NELL2: variants seen among roughly 807,000 people sequenced by gnomAD.
NELL2 encodes the protein neural EGFL like 2.
A neutral mutation model predicts 109.6 loss-of-function variants in NELL2; 41 were observed. That is an observed-to-expected ratio of 0.37 (90% CI 0.29 to 0.49). The LOEUF (loss-of-function observed/expected upper bound fraction) is 0.49. Ranked by LOEUF, NELL2 falls within the 20% of genes least tolerant of loss-of-function variation. The pLI is 0.98. For missense variants in NELL2, 900 were observed against 1,008.3 expected (o/e 0.89, Z 1.45); for synonymous variants, 355 against 344.7 (o/e 1.03, Z -0.33).
At chr12:44,758,006 G>A (rs1274994009) in intron 9 of NELL2, among the ~76,000 whole-genome samples, 1 of 151,658 alleles carries the variant, frequency 6.6e-6, no homozygotes, top group Non-Finnish European at 1.5e-5. Context: ...AACATATTTT[G>A]TTTCATCTGG....
intron 2 of NELL2, among the ~76,000 whole-genome samples, chr12:44,867,922 CT>C (rs1467138406): frequency 6.6e-6 from 1 of 152,030 alleles, no homozygotes; most frequent in Non-Finnish European, 1.5e-5. Flanking sequence ...GAGTTCAAGA[CT>C]GGCCTGGCCA....
intron 10 of NELL2, among the ~76,000 whole-genome samples, chr12:44,711,859 G>A (rs919955527): frequency 6.6e-6 from 1 of 152,072 alleles, no homozygotes; most frequent in Non-Finnish European, 1.5e-5. Context: ...AATATTGGAT[G>A]TCTTCCACAA....
intron 13 of NELL2, among the ~76,000 whole-genome samples, chr12:44,634,311 A>G (rs1946559152): frequency 1.3e-5 from 2 of 151,864 alleles, no homozygotes; most frequent in African/African-American, 4.8e-5. Flanking sequence ...TGCTAATGCT[A>G]TCCCTTCCCC....
At chr12:44,575,159 G>A (rs1391462044) in intron 15 of NELL2, among the ~76,000 whole-genome samples, 1 of 152,180 alleles carries the variant, frequency 6.6e-6, no homozygotes, top group Non-Finnish European at 1.5e-5. Context: ...TCACATAGTA[G>A]TCAGTAAAGC....
At chr12:44,892,789 C>A in intron 1 of NELL2, among the ~76,000 whole-genome samples, 1 of 124,044 alleles carries the variant, frequency 8.1e-6, no homozygotes, top group East Asian at 2.6e-4. Context: ...CAGAGCGAGA[C>A]TCTGTCTCAA....
At chr12:44,787,432 C>A (rs908671461) in intron 3 of NELL2, among the ~76,000 whole-genome samples, 19 of 142,310 alleles carry the variant, frequency 1.3e-4, no homozygotes, top group Admixed American at 1.2e-3. Context: ...AAAATTTATA[C>A]GGAAAGGCAA....
Position 44,690,631 on chromosome 12 carries a change from C to T in NELL2, c.1318+13095G>A, listed in dbSNP as rs142960385. Among the ~76,000 whole-genome samples, 271 of 152,166 alleles carry T rather than the reference C, an allele frequency of 1.8e-3. 3 individuals carry two copies. Among genetic ancestry groups the T allele is most frequent in the African/African-American group, 6.2e-3 (257 of 41,520 alleles). On this transcript the variant is annotated intron_variant, in intron 12 of 19. Coordinates refer to ENST00000429094, the MANE Select transcript of NELL2 (RefSeq NM_001145108.2). ...CATCAATCACAATTCTCATTTCCTC[C>T]TGCATCTGGAAAATGGGCAGAGATT...
chr12:44,763,020 T>C (rs886317385), intron 9 of NELL2, among the ~76,000 whole-genome samples: 11 of 152,328 alleles, frequency 7.2e-5, no homozygotes, highest in Non-Finnish European at 1.6e-4. Flanking sequence ...CCTAGGCACA[T>C]GGAAAACTCA....
At chr12:44,887,898 A>G (rs1262254236) in intron 1 of NELL2, among the ~76,000 whole-genome samples, 4 of 151,542 alleles carry the variant, frequency 2.6e-5, no homozygotes, top group Non-Finnish European at 5.9e-5. Flanking sequence ...TTACACAAAA[A>G]CTCTTTGCTG....
chr12:44,601,778 A>C (rs1945231242), intron 15 of NELL2, among the ~76,000 whole-genome samples: 1 of 152,172 alleles, frequency 6.6e-6, no homozygotes, highest in Non-Finnish European at 1.5e-5. Flanking sequence ...CATGAGATAG[A>C]TATTACTATC....
intron 15 of NELL2, among the ~76,000 whole-genome samples, chr12:44,539,179 C>A (rs1158862869): frequency 2.6e-5 from 4 of 152,098 alleles, no homozygotes; most frequent in Non-Finnish European, 5.9e-5. Context: ...TAAACTTGCA[C>A]AAATATTACA....
intron 9 of NELL2, among the ~76,000 whole-genome samples, chr12:44,728,992 G>A (rs542198187): frequency 6.6e-6 from 1 of 152,010 alleles, no homozygotes; most frequent in South Asian, 2.1e-4. Context: ...AGACCTTAAA[G>A]TTGAAATGAA....
At chr12:44,720,109 T>C (rs1024539622) in intron 9 of NELL2, among the ~76,000 whole-genome samples, 6 of 152,148 alleles carry the variant, frequency 3.9e-5, no homozygotes, top group African/African-American at 9.6e-5. Context: ...CACTAACTGA[T>C]ACAAATTAAT....
intron 14 of NELL2, among the ~76,000 whole-genome samples, chr12:44,607,942 G>A (rs543565115): frequency 1.3e-5 from 2 of 152,178 alleles, no homozygotes; most frequent in East Asian, 3.9e-4. Flanking sequence ...ACCATTGCAA[G>A]GGAGCCAAGG....
At chr12:44,639,768 C>T (rs1173709226) in intron 13 of NELL2, among the ~76,000 whole-genome samples, 6 of 152,124 alleles carry the variant, frequency 3.9e-5, no homozygotes, top group Non-Finnish European at 5.9e-5. Context: ...GTCTTTAAAA[C>T]ATCAACAGTA....
chr12:44,516,915 T>G (rs1323249689), intron 19 of NELL2, among the ~76,000 whole-genome samples: 2 of 151,416 alleles, frequency 1.3e-5, no homozygotes, highest in South Asian at 4.1e-4. Context: ...TTTTTTTTTT[T>G]TGCTAATTTT....
intron 12 of NELL2, among the ~76,000 whole-genome samples, chr12:44,668,211 A>G (rs1948003847): frequency 6.6e-6 from 1 of 152,166 alleles, no homozygotes. Context: ...ACTGGGGAAT[A>G]GATGATGCAA....
At chr12:44,687,543 G>A (rs983372483) in intron 12 of NELL2, among the ~76,000 whole-genome samples, 4 of 152,196 alleles carry the variant, frequency 2.6e-5, no homozygotes, top group East Asian at 1.9e-4. Flanking sequence ...TTTGGTGTTC[G>A]TGATAATCTT....
intron 12 of NELL2, among the ~76,000 whole-genome samples, chr12:44,671,271 C>T (rs188608649): frequency 4.3e-4 from 65 of 152,042 alleles, no homozygotes; most frequent in African/African-American, 1.5e-3. Context: ...CACAGCAAAA[C>T]CTAAAGGATA....
Sources: allele counts gnomAD v4.1 joint callset (sites outside exome capture counted in the v4.1 genomes callset), GRCh38; gene constraint gnomAD v4.1.1; transcripts MANE v1.5; gene names NCBI Gene and HGNC (gene_info 2026-07-23, HGNC 2026-07-21).